Variants in NMRK2 observed in about 807,000 individuals in gnomAD.
The protein encoded by NMRK2 is nicotinamide riboside kinase 2, also known as NRK 2.
In NMRK2, 34 loss-of-function variants were observed where a neutral mutation model predicts 24.7. The observed-to-expected ratio is 1.37, with a 90% CI of 1.05 to 1.83. NMRK2 has a LOEUF of 1.83. Ranked by LOEUF, NMRK2 falls within the 40% of genes most tolerant of loss-of-function variation. NMRK2 has a pLI of 0.00. For missense variants in NMRK2, 341 were observed against 315.0 expected, an observed-to-expected ratio of 1.08 and a Z score of -0.62; for synonymous variants, 145 against 125.6, an observed-to-expected ratio of 1.15 and a Z score of -1.03.
At position 3,939,926 on chromosome 19, in the gene NMRK2, G is replaced by A. The variant is rs140113877; in HGVS notation, c.350G>A (p.Arg117Gln). The A allele has an allele frequency of 1.5e-4, 245 of 1,613,576 alleles. 2 individuals carry two copies. The highest frequency in any genetic ancestry group is 1.3e-3 in the South Asian group (119 of 91,062). ...YKPLVDLYSR[R>Q]YFLTVPYEEC... is the part of the protein sequence containing the mutation. ...CCCCTGGTGGACTTGTACAGCCGCC[G>A]GTACTTCCTGACCGTCCCGTATGAA... Residue 117 changes from arginine (R) to glutamine (Q), a missense_variant, in exon 6 of 8, where the codon CGG (arginine) becomes CAG (glutamine). Arg to Gln is a conservative substitution (Grantham distance 43). Coordinates refer to ENST00000168977, the MANE Select transcript of NMRK2 (RefSeq NM_170678.3).
intron 5 of NMRK2, among the ~76,000 whole-genome samples, 184 bp from the exon 6 acceptor site, chr19:3,939,716 T>C (rs982222745): frequency 2.6e-5 from 4 of 152,050 alleles, no homozygotes; most frequent in Admixed American, 2.6e-4. Flanking sequence ...TGATTCAATT[T>C]TGTGGGGGGC....
chr19:3,935,222 T>C (rs2039192846), intron 2 of NMRK2, among the ~76,000 whole-genome samples: 1 of 151,036 alleles, frequency 6.6e-6, no homozygotes, highest in African/African-American at 2.4e-5. Context: ...CTTCTGGATA[T>C]GATATAGGTG....
chr19:3,942,198 C>G lies in NMRK2; in HGVS notation c.618C>G (p.Ala206=). 1 of 1,613,216 alleles carries G rather than the reference C, an allele frequency of 6.2e-7. No individual in the cohort carries two copies. The highest frequency in any genetic ancestry group is 8.5e-7 in the Non-Finnish European group (1 of 1,180,014). ...CAGCCCCCTCCCCGGCTCGCCCAGCCAGGACACAGGGACCCGGACGCGGAT... is the reference window on the plus strand; with the variant it reads ...CAGCCCCCTCCCCGGCTCGCCCAGCGAGGACACAGGGACCCGGACGCGGAT... ...QESAPSPARP[A]RTQGPGRGCG... Residue 206 remains alanine, a synonymous_variant, in exon 8 of 8, where the codon GCC becomes GCG. Transcript: ENST00000168977.
intron 6 of NMRK2, 129 bp downstream of exon 6, chr19:3,940,100 A>T: frequency 2.6e-6 from 2 of 774,788 alleles, no homozygotes; most frequent in Non-Finnish European, 4.3e-6. Context: ...TAATCCCAGC[A>T]CTTCCGGAGG....
intron 2 of NMRK2, among the ~76,000 whole-genome samples, chr19:3,934,783 A>G (rs2039185167): frequency 6.6e-6 from 1 of 151,902 alleles, no homozygotes; most frequent in Non-Finnish European, 1.5e-5. Context: ...GGGTTTCACC[A>G]TGTTGGCCAG....
intron 5 of NMRK2, among the ~76,000 whole-genome samples, chr19:3,939,355 A>AT (rs1447560453): frequency 6.6e-6 from 1 of 151,186 alleles, no homozygotes; most frequent in African/African-American, 2.4e-5. Flanking sequence ...TCTACTAAAA[A>AT]TACAAAAAAT....
In NMRK2 at chr19:3,942,280, C is replaced by T. The variant is rs2039349597; in HGVS notation, c.*7C>T. On this transcript the variant is annotated 3_prime_UTR_variant, in exon 8 of 8. Coordinates refer to ENST00000168977, the MANE Select transcript of NMRK2 (RefSeq NM_170678.3). ...CCAGCAGGACAGCATGTGAGCGTTT[C>T]CCTATGGGGGTGTCTGTACGTAGGA... The T allele has an allele frequency of 1.9e-6, 3 of 1,598,300 alleles. No homozygotes were observed. The highest frequency in any genetic ancestry group is 2.6e-6 in the Non-Finnish European group (3 of 1,173,490).
rs758145718 is a variant in NMRK2 at position 3,941,097 on chromosome 19, C to T, written c.422C>T (p.Pro141Leu). ...RSTRNYTVPD[P>L]PGLFDGHVWP... is the part of the protein sequence containing the mutation. The stretch of plus-strand genomic sequence containing the variant: ...ACCCGCAACTACACAGTCCCTGATC[C>T]CCCCGGCCTCTTCGATGGCCACGTG... Residue 141 changes from proline to leucine, a missense_variant, in exon 7 of 8, where the codon CCC (proline) becomes CTC (leucine). Physicochemically the swap from Pro to Leu is moderately conservative, Grantham distance 98. Coordinates refer to ENST00000168977, the MANE Select transcript of NMRK2 (RefSeq NM_170678.3). 5 of 1,613,796 alleles carry T rather than the reference C, an allele frequency of 3.1e-6. No homozygotes were observed. Among genetic ancestry groups the T allele is most frequent in the Non-Finnish European group, 3.4e-6 (4 of 1,179,726 alleles).
intron 4 of NMRK2, among the ~76,000 whole-genome samples, chr19:3,937,964 C>A (rs1301487757): frequency 1.6e-5 from 2 of 127,748 alleles, no homozygotes. Context: ...GTCCACTGTC[C>A]CCCCGGGGTC....
At position 3,942,075 on chromosome 19, in the gene NMRK2, G is replaced by A. The variant is rs769921184; in HGVS notation, c.503-8G>A. 1.9e-6 allele frequency: 3 copies of A among 1,610,716 alleles called. No individual in the cohort carries two copies. The highest frequency in any genetic ancestry group is 1.1e-5 in the South Asian group (1 of 91,046). On this transcript the variant is annotated splice_polypyrimidine_tract_variant and splice_region_variant and intron_variant, in intron 7 of 7. Transcript: ENST00000168977. ...CCGGCAGCCCTGACGCAGCCTTTCT[G>A]ATTTCAGTCTACCTGGACGGCATGA... is the stretch of plus-strand genomic sequence containing the variant.
chr19:3,933,829 G>C lies in NMRK2; in HGVS notation c.26+132G>C, dbSNP rs2039162665. 14 of 892,606 alleles carry C rather than the reference G, an allele frequency of 1.6e-5. No homozygotes were observed. In the South Asian group the frequency reaches 3.8e-4, roughly 24 times the overall value. 55.3% of individuals were successfully genotyped at this position (892,606 alleles called of 1,614,324 possible). ...CCTACACGCCGCCCGAGGTCAGAGT[G>C]CAGGGAGGATTTTCTGCCCTGGGGG... On this transcript the variant is annotated intron_variant, in intron 2 of 7. Coordinates refer to ENST00000168977, the MANE Select transcript of NMRK2 (RefSeq NM_170678.3).
chr19:3,936,268 C>T (rs1351327769), intron 2 of NMRK2, among the ~76,000 whole-genome samples: 1 of 150,836 alleles, frequency 6.6e-6, no homozygotes, highest in East Asian at 1.9e-4. Context: ...ATTAGCCAGG[C>T]GTGGTGGCGT....
chr19:3,941,056 C>T lies in NMRK2; in HGVS notation c.396-15C>T. ...CTTCTGTGCTCTAAGCCATCCTTGC[C>T]TTCTCCCTCTGCAGTACCCGCAACT... On this transcript the variant is annotated splice_polypyrimidine_tract_variant and intron_variant, in intron 6 of 7. Coordinates refer to ENST00000168977, the MANE Select transcript of NMRK2 (RefSeq NM_170678.3). 5 of 1,573,060 alleles carry T rather than the reference C, an allele frequency of 3.2e-6. No homozygotes were observed. Among genetic ancestry groups the T allele is most frequent in the African/African-American group, 1.3e-5 (1 of 74,156 alleles).
intron 7 of NMRK2, 47 bp downstream of exon 7, chr19:3,941,224 G>GC (rs2145308478): frequency 5.5e-6 from 4 of 726,024 alleles, no homozygotes; most frequent in East Asian, 3.4e-5. Flanking sequence ...GGGCGGGGGG[G>GC]ACCCTGGGCC....
At chr19:3,936,419 A>G (rs2039214537) in intron 2 of NMRK2, among the ~76,000 whole-genome samples, 156 bp from the exon 3 acceptor site, 1 of 151,180 alleles carries the variant, frequency 6.6e-6, no homozygotes, top group Non-Finnish European at 1.5e-5. Context: ...AAAAAAAAGA[A>G]AAAGAATCAG....
At chr19:3,937,762 C>A (rs12611159) in intron 4 of NMRK2, among the ~76,000 whole-genome samples, 1 of 21,392 alleles carries the variant, frequency 4.7e-5, no homozygotes. Context: ...CTGCAATACC[C>A]GCTCCCCGTC....
chr19:3,934,871 C>CCGTG (rs2145288195), intron 2 of NMRK2, among the ~76,000 whole-genome samples: 1 of 152,274 alleles, frequency 6.6e-6, no homozygotes, highest in East Asian at 1.9e-4. Context: ...GCGTGAGCCA[C>CCGTG]CGTGCCCTGC....
chr19:3,936,647 T>C lies in NMRK2; in HGVS notation c.99T>C (p.His33=). 1.3e-6 allele frequency: 2 copies of C among 1,569,500 alleles called. No individual in the cohort carries two copies. The highest frequency in any genetic ancestry group is 2.3e-5 in the South Asian group (2 of 85,332). ...CCCTGCCCAACTGCTGCGTGATCCA[T>C]CAGGATGACTTCTTCAAGGTGCCCG... ...LRALPNCCVI[H]QDDFFKPQDQ... is the part of the protein sequence containing the mutation. Residue 33 remains histidine (H), a synonymous_variant, in exon 3 of 8, where the codon CAT becomes CAC. Coordinates refer to ENST00000168977, the MANE Select transcript of NMRK2 (RefSeq NM_170678.3).
Position 3,942,103 on chromosome 19 carries a change from T to C in NMRK2, c.523T>C (p.Ser175Pro), listed in dbSNP as rs775465439. The change falls in exon 8 of 8, where the codon TCC (serine) becomes CCC (proline). Residue 175 changes from serine (S) to proline (P), a missense_variant. By Grantham distance (74) the Ser-to-Pro change is moderately conservative (BLOSUM62 -1). Coordinates refer to ENST00000168977, the MANE Select transcript of NMRK2 (RefSeq NM_170678.3). ...TTCAGTCTACCTGGACGGCATGAAGTCCCGAGAGGAGCTCTTCCGTGAAGT... is the reference window on the plus strand; with the variant it reads ...TTCAGTCTACCTGGACGGCATGAAGCCCCGAGAGGAGCTCTTCCGTGAAGT... ...VEVVYLDGMK[S>P]REELFREVLE... is the part of the protein sequence containing the mutation. The C allele has an allele frequency of 3.7e-5, 59 of 1,612,998 alleles. No individual in the cohort carries two copies. The highest frequency in any genetic ancestry group is 5.0e-5 in the Non-Finnish European group (59 of 1,179,966).
Sources: gnomAD v4.1 joint callset for allele counts (sites outside exome capture counted in the v4.1 genomes callset) on GRCh38, gnomAD v4.1.1 for gene constraint, MANE v1.5 for transcripts, NCBI Gene and HGNC (gene_info 2026-07-23, HGNC 2026-07-21) for gene names.